DENND2B: variants seen among roughly 807,000 people sequenced by gnomAD.
The protein encoded by DENND2B is DENN domain-containing protein 2B.
DENND2B carries 32 observed loss-of-function variants against 116.0 expected under a neutral mutation model. The ratio of observed to expected loss-of-function variants is 0.28; its 90% CI spans 0.21 to 0.37. The LOEUF (loss-of-function observed/expected upper bound fraction) is 0.37. Ranked by LOEUF, DENND2B falls within the 10% of genes least tolerant of loss-of-function variation. DENND2B has a pLI of 1.00. For missense variants in DENND2B, 1,276 were observed against 1,477.7 expected, an observed-to-expected ratio of 0.86 and a Z score of 2.24; for synonymous variants, 588 against 583.9, an observed-to-expected ratio of 1.01 and a Z score of -0.10.
chr11:8,872,262 G>A (rs2063792551), upstream of DENND2B, among the ~76,000 whole-genome samples: 1 of 152,054 alleles, frequency 6.6e-6, no homozygotes, highest in African/African-American at 2.4e-5. Context: ...CAAGGTGGGC[G>A]GATCACTTCA....
intron 4 of DENND2B, among the ~76,000 whole-genome samples, chr11:8,824,515 T>G (rs150942764): frequency 0.02 from 3,105 of 152,294 alleles, 40 homozygotes; most frequent in Middle Eastern, 0.037. Flanking sequence ...TCCATGTTCC[T>G]GCAAAGGACA....
At chr11:8,800,094 C>G (rs192201263) in intron 1 of DENND2B, among the ~76,000 whole-genome samples, 12 of 152,050 alleles carry the variant, frequency 7.9e-5, no homozygotes, top group African/African-American at 2.7e-4. Flanking sequence ...GCTGGGACTA[C>G]AGGCATGTGT....
chr11:8,828,174 C>G (rs2062050355), intron 4 of DENND2B, among the ~76,000 whole-genome samples: 1 of 152,172 alleles, frequency 6.6e-6, no homozygotes, highest in Admixed American at 6.5e-5. Context: ...CCTACAGTGG[C>G]TGGGGCAGAG....
At chr11:8,774,091 T>C (rs1235348467) in intron 1 of DENND2B, 2 of 984,506 alleles carry the variant, frequency 2.0e-6, no homozygotes, top group Non-Finnish European at 2.4e-6. Flanking sequence ...GTTGTACAGA[T>C]TGAGTAAGAT....
At chr11:8,892,235 T>G (rs539990132) in intron 1 of DENND2B, among the ~76,000 whole-genome samples, 1 of 152,126 alleles carries the variant, frequency 6.6e-6, no homozygotes, top group Non-Finnish European at 1.5e-5. Context: ...GGGACACATT[T>G]AAAGCAGTGT....
chr11:8,800,421 T>A (rs992565520), intron 1 of DENND2B, among the ~76,000 whole-genome samples: 2 of 152,138 alleles, frequency 1.3e-5, no homozygotes, highest in South Asian at 4.1e-4. Flanking sequence ...AGGCTAAGCT[T>A]CTCCTGGTTC....
intron 4 of DENND2B, chr11:8,718,338 G>A: frequency 1.3e-6 from 2 of 1,532,088 alleles, no homozygotes; most frequent in Non-Finnish European, 8.7e-7. Flanking sequence ...CAACTCTCAG[G>A]GGATCTCCCT....
Position 8,730,864 on chromosome 11 carries a change from C to T in DENND2B, c.426G>A (p.Gly142=), listed in dbSNP as rs777559231. The change falls in exon 3 of 20, where the codon GGG becomes GGA. Residue 142 remains glycine (G), a synonymous_variant. Coordinates refer to ENST00000313726, the MANE Select transcript of DENND2B (RefSeq NM_213618.2). The surrounding 1 kb of genome is among the most constrained non-coding windows in gnomAD (Gnocchi z 4.1). ...AGACGCCCCGGGGGCCAGCTGCTGG[C>T]CCCGGGAATGGCGTGCTCTGGGCAA... ...LPLAQSTPFP[G]PAAGPRGVLL... The T allele has an allele frequency of 1.2e-6, 2 of 1,613,540 alleles. No homozygotes were observed. The highest frequency in any genetic ancestry group is 1.1e-5 in the South Asian group (1 of 91,078).
intron 1 of DENND2B, among the ~76,000 whole-genome samples, chr11:8,800,738 A>C (rs1593887966): frequency 6.6e-6 from 1 of 152,218 alleles, no homozygotes; most frequent in African/African-American, 2.4e-5. Flanking sequence ...CACTCAAAGA[A>C]GATTTGAGGG....
At chr11:8,735,083 T>A (rs1428217504) in intron 2 of DENND2B, among the ~76,000 whole-genome samples, 1 of 152,032 alleles carries the variant, frequency 6.6e-6, no homozygotes, top group Admixed American at 6.6e-5. Flanking sequence ...GTGGAGTCTA[T>A]TGCTCCGTCA....
chr11:8,905,738 G>C (rs1205743979), intron 1 of DENND2B, among the ~76,000 whole-genome samples: 1 of 151,884 alleles, frequency 6.6e-6, no homozygotes, highest in Non-Finnish European at 1.5e-5. Flanking sequence ...TGCATTATCA[G>C]TCAAAATAGC....
At chr11:8,705,231 A>T in intron 13 of DENND2B, among the ~76,000 whole-genome samples, 1 of 152,106 alleles carries the variant, frequency 6.6e-6, no homozygotes, top group East Asian at 1.9e-4. Context: ...CCCTAGTTCC[A>T]CATTTCAATT....
chr11:8,846,657 T>C (rs2062824966), intron 3 of DENND2B, among the ~76,000 whole-genome samples: 1 of 152,140 alleles, frequency 6.6e-6, no homozygotes, highest in South Asian at 2.1e-4. Flanking sequence ...CTTCACCAAG[T>C]CAAATCCTGC....
chr11:8,887,725 G>A (rs2063978023), intron 1 of DENND2B, among the ~76,000 whole-genome samples: 2 of 152,106 alleles, frequency 1.3e-5, no homozygotes, highest in South Asian at 4.1e-4. Flanking sequence ...ACAAAGGGGA[G>A]CAAAACTTCC....
intron 16 of DENND2B, 91 bp from the exon 17 acceptor site, chr11:8,697,727 T>G (rs1014808019): frequency 3.8e-6 from 3 of 793,160 alleles, no homozygotes; most frequent in Non-Finnish European, 6.7e-6. Context: ...GAGTAGATAA[T>G]CTCATTTATC....
chr11:8,732,502 C>T (rs959704288), intron 2 of DENND2B, among the ~76,000 whole-genome samples: 2 of 152,196 alleles, frequency 1.3e-5, no homozygotes, highest in African/African-American at 2.4e-5. Context: ...GAAATCCCCA[C>T]AGCACTCAGC....
chr11:8,849,831 A>G (rs1339006845), intron 3 of DENND2B, among the ~76,000 whole-genome samples: 1 of 149,062 alleles, frequency 6.7e-6, no homozygotes, highest in Non-Finnish European at 1.5e-5. Context: ...TCAAAAAAAA[A>G]AAGAAAAGAA....
intron 2 of DENND2B, among the ~76,000 whole-genome samples, chr11:8,863,141 C>T (rs983311686): frequency 6.6e-6 from 1 of 151,652 alleles, no homozygotes; most frequent in African/African-American, 2.4e-5. Flanking sequence ...CATAGGGGGA[C>T]CCCGTCTCTA....
chr11:8,870,105 C>T (rs1234341735), intron 2 of DENND2B, among the ~76,000 whole-genome samples: 1 of 152,162 alleles, frequency 6.6e-6, no homozygotes, highest in Non-Finnish European at 1.5e-5. Flanking sequence ...TTTGCCATTC[C>T]CAAGACCCTG....
Sources: gnomAD v4.1 joint callset for allele counts (sites outside exome capture counted in the v4.1 genomes callset) on GRCh38, gnomAD v4.1.1 for gene constraint, Gnocchi (gnomAD v3.1) non-coding constraint, MANE v1.5 for transcripts, NCBI Gene and HGNC (gene_info 2026-07-23, HGNC 2026-07-21) for gene names.